The following PHTF2 variants were observed in gnomAD, a reference collection of about 807,000 sequenced individuals.
PHTF2 encodes the protein protein PHTF2.
PHTF2 carries 60 observed loss-of-function variants against 101.2 expected under a neutral mutation model. The ratio of observed to expected loss-of-function variants is 0.59; its 90% CI spans 0.48 to 0.73. PHTF2 has a LOEUF of 0.73. PHTF2 is among the 30% of genes least tolerant of loss of function. The pLI, the probability that PHTF2 is intolerant of heterozygous loss-of-function variation, is 0.00. For synonymous variants in PHTF2, 311 were observed against 307.3 expected (o/e 1.01, Z -0.13); for missense variants, 747 against 908.7 (o/e 0.82, Z 2.29).
At chr7:77,950,014 A>C (rs1475095796) in intron 17 of PHTF2, among the ~76,000 whole-genome samples, 181 bp downstream of exon 16, 1 of 152,228 alleles carries the variant, frequency 6.6e-6, no homozygotes, top group Non-Finnish European at 1.5e-5. Context: ...TCATATTTCA[A>C]ATCCAATCTG....
chr7:77,878,606 C>T (rs904669635), intron 3 of PHTF2, among the ~76,000 whole-genome samples: 17 of 152,112 alleles, frequency 1.1e-4, no homozygotes, highest in Admixed American at 9.8e-4. Context: ...CTGTTATCAT[C>T]CTTCCTTTAA....
chr7:77,890,640 C>G (rs1800311950), intron 3 of PHTF2, among the ~76,000 whole-genome samples: 1 of 113,248 alleles, frequency 8.8e-6, no homozygotes, highest in Non-Finnish European at 1.7e-5. Flanking sequence ...GAGTCTTGCT[C>G]TGTCGCCCAG....
intron 11 of PHTF2, among the ~76,000 whole-genome samples, chr7:77,927,339 T>TA: frequency 6.6e-6 from 1 of 152,048 alleles, no homozygotes; most frequent in Non-Finnish European, 1.5e-5. Flanking sequence ...CTCACGCCTG[T>TA]AATCCCTGTA....
At chr7:77,803,697 G>T (rs1427621397) in intron 1 of PHTF2, among the ~76,000 whole-genome samples, 1 of 147,488 alleles carries the variant, frequency 6.8e-6, no homozygotes, top group African/African-American at 2.4e-5. Flanking sequence ...GCGTGTGTGT[G>T]TGTGTGTGTG....
intron 11 of PHTF2, chr7:77,923,058 G>A: frequency 9.2e-7 from 1 of 1,081,984 alleles, no homozygotes; most frequent in Non-Finnish European, 1.1e-6. Flanking sequence ...TCTGGAGAGA[G>A]AATCTGCAAA....
intron 2 of PHTF2, among the ~76,000 whole-genome samples, chr7:77,850,806 A>G (rs912981476): frequency 6.6e-6 from 1 of 152,056 alleles, no homozygotes; most frequent in African/African-American, 2.4e-5. Flanking sequence ...TCCATCATAT[A>G]TGGCTTTTAT....
intron 11 of PHTF2, among the ~76,000 whole-genome samples, chr7:77,925,487 T>G (rs528592128): frequency 9.6e-4 from 141 of 146,350 alleles, no homozygotes; most frequent in Non-Finnish European, 1.7e-3. Flanking sequence ...TAGGCAATAG[T>G]TTTTAGGGTT....
intron 2 of PHTF2, among the ~76,000 whole-genome samples, chr7:77,850,169 G>A (rs1796622716): frequency 6.7e-6 from 1 of 149,346 alleles, no homozygotes; most frequent in Non-Finnish European, 1.5e-5. Context: ...TGGGGAACAT[G>A]GCTCAACCCT....
At chr7:77,803,593 A>G (rs1215392810) in intron 1 of PHTF2, among the ~76,000 whole-genome samples, 1 of 152,112 alleles carries the variant, frequency 6.6e-6, no homozygotes, top group Non-Finnish European at 1.5e-5. Flanking sequence ...TTAAGAATTA[A>G]ATGAGATAAT....
At chr7:77,920,576 C>T in intron 10 of PHTF2, 111 bp downstream of exon 9, 1 of 746,546 alleles carries the variant, frequency 1.3e-6, no homozygotes, top group South Asian at 1.6e-5. Context: ...AGAATTAATT[C>T]TGTGAGCGTT....
At chr7:77,837,283 A>G (rs1409676771) in intron 1 of PHTF2, among the ~76,000 whole-genome samples, 1 of 152,222 alleles carries the variant, frequency 6.6e-6, no homozygotes, top group Non-Finnish European at 1.5e-5. Context: ...ATGACAATAC[A>G]GTCTATGAAC....
At chr7:77,821,094 A>G (rs901542145) in intron 1 of PHTF2, among the ~76,000 whole-genome samples, 2 of 150,440 alleles carry the variant, frequency 1.3e-5, no homozygotes, top group African/African-American at 4.9e-5. Flanking sequence ...TCTGAAAGAT[A>G]GCTTTGCTGG....
At chr7:77,900,715 T>C in exon 6 of PHTF2, 1 of 1,513,902 alleles carries the variant, frequency 6.6e-7, no homozygotes, top group African/African-American at 1.4e-5. Context: ...TTATAGGGGC[T>C]AAGGAATAAA....
intron 9 of PHTF2, among the ~76,000 whole-genome samples, chr7:77,917,973 T>C (rs1379147832): frequency 6.6e-6 from 1 of 152,048 alleles, no homozygotes; most frequent in African/African-American, 2.4e-5. Context: ...TTTGAGGAGA[T>C]AGTGGGGAGA....
intron 1 of PHTF2, among the ~76,000 whole-genome samples, chr7:77,811,909 A>G (rs983358610): frequency 3.3e-5 from 5 of 152,206 alleles, no homozygotes; most frequent in African/African-American, 1.2e-4. Flanking sequence ...TGTGTAATAC[A>G]GCTTTATTTT....
chr7:77,940,132 G>A, exon 14 of PHTF2: 1 of 1,613,878 alleles, frequency 6.2e-7, no homozygotes, highest in Non-Finnish European at 8.5e-7. Flanking sequence ...TCAAGCTACA[G>A]ACTTGGAACA....
chr7:77,804,453 G>A (rs891960907), intron 1 of PHTF2, among the ~76,000 whole-genome samples: 5 of 152,202 alleles, frequency 3.3e-5, no homozygotes, highest in African/African-American at 9.6e-5. Flanking sequence ...AGCCTTGCGA[G>A]TAGCTGGGAT....
intron 10 of PHTF2, among the ~76,000 whole-genome samples, chr7:77,920,764 C>G (rs1351797835): frequency 6.6e-6 from 1 of 152,190 alleles, no homozygotes; most frequent in Non-Finnish European, 1.5e-5. Context: ...TCACAGCATC[C>G]TCAGCCTCCC....
chr7:77,857,015 G>T (rs1327901758), intron 3 of PHTF2, among the ~76,000 whole-genome samples: 1 of 152,114 alleles, frequency 6.6e-6, no homozygotes, highest in Non-Finnish European at 1.5e-5. Flanking sequence ...TATCTCTAAT[G>T]ACCATGTTTT....
Sources: allele counts gnomAD v4.1 joint callset (sites outside exome capture counted in the v4.1 genomes callset), GRCh38; gene constraint gnomAD v4.1.1; transcripts MANE v1.5; gene names NCBI Gene and HGNC (gene_info 2026-07-23, HGNC 2026-07-21).